The following ALCAM variants were observed in gnomAD, a reference collection of about 807,000 sequenced individuals.
The protein encoded by ALCAM is activated leukocyte cell adhesion molecule, also known as CD166 antigen.
In ALCAM, 30 loss-of-function variants were observed where a neutral mutation model predicts 70.9. The ratio of observed to expected loss-of-function variants is 0.42; its 90% CI spans 0.32 to 0.57. The LOEUF is 0.57. Ranked by LOEUF, ALCAM falls within the 20% of genes least tolerant of loss-of-function variation. The pLI is 0.11. For synonymous variants in ALCAM, 249 were observed against 242.5 expected (o/e 1.03, Z -0.25); for missense variants, 591 against 695.1 (o/e 0.85, Z 1.68).
intron 1 of ALCAM, among the ~76,000 whole-genome samples, chr3:105,390,031 G>C (rs189343473): frequency 1.3e-5 from 2 of 151,974 alleles, no homozygotes; most frequent in East Asian, 3.9e-4. Context: ...ACTGTGAATA[G>C]TGCTGCAATG....
At chr3:105,502,507 T>C (rs1938949772) in intron 1 of ALCAM, among the ~76,000 whole-genome samples, 1 of 152,006 alleles carries the variant, frequency 6.6e-6, no homozygotes, top group African/African-American at 2.4e-5. Context: ...GAATGGTGAA[T>C]AGGAGAAAGG....
At chr3:105,429,431 G>A (rs1353376860) in intron 1 of ALCAM, among the ~76,000 whole-genome samples, 1 of 151,948 alleles carries the variant, frequency 6.6e-6, no homozygotes, top group Non-Finnish European at 1.5e-5. Flanking sequence ...AACATTTATA[G>A]TATCAAATTA....
intron 1 of ALCAM, among the ~76,000 whole-genome samples, chr3:105,476,751 A>G (rs1156381276): frequency 6.6e-6 from 1 of 152,080 alleles, no homozygotes; most frequent in Non-Finnish European, 1.5e-5. Context: ...TCTTTCGTTT[A>G]GTCTCCAAAG....
chr3:105,508,669 TGAC>T (rs1442366605), intron 1 of ALCAM, among the ~76,000 whole-genome samples: 6 of 152,204 alleles, frequency 3.9e-5, no homozygotes, highest in African/African-American at 1.4e-4. Flanking sequence ...TGTGAAATGA[TGAC>T]TACAGTTAAG....
chr3:105,460,692 C>G (rs1199574672), intron 1 of ALCAM, among the ~76,000 whole-genome samples: 6 of 151,884 alleles, frequency 4.0e-5, no homozygotes, highest in African/African-American at 1.4e-4. Flanking sequence ...CCCATCATAA[C>G]TCTTCTCTCT....
chr3:105,479,066 G>A (rs1326356952), intron 1 of ALCAM, among the ~76,000 whole-genome samples: 1 of 152,106 alleles, frequency 6.6e-6, no homozygotes, highest in African/African-American at 2.4e-5. Context: ...AGATAATAGA[G>A]CTTGATAGAA....
chr3:105,526,506 G>A (rs1241411021), intron 3 of ALCAM, among the ~76,000 whole-genome samples: 2 of 151,996 alleles, frequency 1.3e-5, no homozygotes, highest in African/African-American at 4.8e-5. Context: ...TCTTTTTGAT[G>A]TTGTTGAAAA....
At chr3:105,530,099 G>A (rs1243110338) in intron 3 of ALCAM, among the ~76,000 whole-genome samples, 1 of 151,904 alleles carries the variant, frequency 6.6e-6, no homozygotes, top group Admixed American at 6.6e-5. Context: ...TAAATTAACT[G>A]CATGTATTAC....
intron 1 of ALCAM, among the ~76,000 whole-genome samples, chr3:105,404,944 T>C (rs1052240468): frequency 2.6e-5 from 4 of 152,034 alleles, no homozygotes; most frequent in Non-Finnish European, 5.9e-5. Flanking sequence ...GCTGTTCTTA[T>C]GTCAGACGAA....
chr3:105,448,822 C>G (rs1411699472), intron 1 of ALCAM, among the ~76,000 whole-genome samples: 2 of 152,188 alleles, frequency 1.3e-5, no homozygotes, highest in East Asian at 3.8e-4. Context: ...TGATGAGCAT[C>G]CACAGGCACA....
chr3:105,479,798 C>G (rs563721910), intron 1 of ALCAM, among the ~76,000 whole-genome samples: 77 of 152,172 alleles, frequency 5.1e-4, no homozygotes, highest in African/African-American at 1.8e-3. Flanking sequence ...TAGCCATTCC[C>G]TATGAACTTA....
chr3:105,531,814 A>C (rs1939845519), intron 3 of ALCAM, among the ~76,000 whole-genome samples, 188 bp from the exon 4 acceptor site: 1 of 152,218 alleles, frequency 6.6e-6, no homozygotes, highest in Non-Finnish European at 1.5e-5. Flanking sequence ...AATAATATTT[A>C]AGATAATAAA....
At chr3:105,466,606 C>T (rs181706743) in intron 1 of ALCAM, among the ~76,000 whole-genome samples, 1 of 151,410 alleles carries the variant, frequency 6.6e-6, no homozygotes, top group East Asian at 1.9e-4. Flanking sequence ...ACTTGTCCAT[C>T]TAACTTAATC....
intron 2 of ALCAM, among the ~76,000 whole-genome samples, chr3:105,522,819 G>A (rs1939580511): frequency 6.6e-6 from 1 of 152,184 alleles, no homozygotes; most frequent in Non-Finnish European, 1.5e-5. Flanking sequence ...AGGCTGTTAT[G>A]AATATTAAAA....
At chr3:105,469,756 T>A (rs2152602461) in intron 1 of ALCAM, among the ~76,000 whole-genome samples, 1 of 151,248 alleles carries the variant, frequency 6.6e-6, no homozygotes, top group Non-Finnish European at 1.5e-5. Context: ...GTTATCACCT[T>A]CTGGAATATG....
chr3:105,439,050 G>A, intron 1 of ALCAM, among the ~76,000 whole-genome samples: 1 of 152,160 alleles, frequency 6.6e-6, no homozygotes, highest in East Asian at 1.9e-4. Context: ...TCCTGCCAGA[G>A]CAAGATGGCT....
intron 1 of ALCAM, among the ~76,000 whole-genome samples, chr3:105,413,551 A>G (rs538136616): frequency 6.6e-6 from 1 of 152,208 alleles, no homozygotes; most frequent in East Asian, 1.9e-4. Flanking sequence ...TGCATAGTAG[A>G]TGGATGTGGG....
intron 4 of ALCAM, among the ~76,000 whole-genome samples, chr3:105,532,977 G>T (rs1246547576): frequency 1.3e-5 from 2 of 152,152 alleles, no homozygotes; most frequent in Admixed American, 6.5e-5. Flanking sequence ...GACAAAGTTG[G>T]AGTTCCATAT....
intron 1 of ALCAM, among the ~76,000 whole-genome samples, chr3:105,403,930 A>T (rs1559779577): frequency 6.6e-6 from 1 of 151,528 alleles, no homozygotes; most frequent in Non-Finnish European, 1.5e-5. Context: ...ACACTTAGAG[A>T]AATGCAAAAT....
Sources: allele counts gnomAD v4.1 joint callset (sites outside exome capture counted in the v4.1 genomes callset), GRCh38; gene constraint gnomAD v4.1.1; transcripts MANE v1.5; gene names NCBI Gene and HGNC (gene_info 2026-07-23, HGNC 2026-07-21).